Variants in LRRC49 observed in about 807,000 individuals in gnomAD.
LRRC49 encodes leucine-rich repeat-containing protein 49.
In LRRC49, 50 loss-of-function variants were observed where a neutral mutation model predicts 83.3. The ratio of observed to expected loss-of-function variants is 0.60; its 90% CI spans 0.48 to 0.76. The LOEUF is 0.76. Among genes scored for constraint, LRRC49 ranks in the 30% least tolerant of loss-of-function variants. LRRC49 has a pLI of 0.00. For synonymous variants in LRRC49, 286 were observed against 283.3 expected, an observed-to-expected ratio of 1.01 and a Z score of -0.10; for missense variants, 704 against 809.1, an observed-to-expected ratio of 0.87 and a Z score of 1.58.
At chr15:70,867,060 T>C (rs11072230) in intron 1 of LRRC49, among the ~76,000 whole-genome samples, 81,647 of 149,914 alleles carry the variant, frequency 0.54, 22,921 homozygotes, top group Admixed American at 0.69. Context: ...GGAATCCTGA[T>C]GGCCAAGTTG....
intron 7 of LRRC49, among the ~76,000 whole-genome samples, chr15:70,924,860 G>A (rs965013602): frequency 4.0e-5 from 6 of 151,804 alleles, no homozygotes; most frequent in African/African-American, 1.5e-4. Context: ...TTTCCCAGAC[G>A]TTTGAATATC....
chr15:71,048,078 A>ATTTTT (rs760450220), intron 15 of LRRC49, among the ~76,000 whole-genome samples: 32 of 106,734 alleles, frequency 3.0e-4, no homozygotes, highest in African/African-American at 1.1e-3. Flanking sequence ...ACCGGGCCAA[A>ATTTTT]TTTTTTTTTT....
At chr15:70,985,604 C>G (rs1266483207) in intron 11 of LRRC49, among the ~76,000 whole-genome samples, 1 of 152,104 alleles carries the variant, frequency 6.6e-6, no homozygotes, top group Non-Finnish European at 1.5e-5. Context: ...ATGGTAGTTT[C>G]TTTTGCTGTG....
intron 14 of LRRC49, among the ~76,000 whole-genome samples, chr15:71,018,057 G>T (rs2038881734): frequency 6.6e-6 from 1 of 152,076 alleles, no homozygotes; most frequent in Admixed American, 6.5e-5. Context: ...GTAAAAGGAG[G>T]AGGAGGAGGG....
At chr15:70,892,296 A>AGCCG, upstream of LRRC49, 2 of 1,551,672 alleles carry the variant, frequency 1.3e-6, no homozygotes, top group Non-Finnish European at 1.7e-6. Flanking sequence ...GGTGCGCGGG[A>AGCCG]GCCGGGTTCC....
At chr15:70,992,436 G>T (rs938028905) in intron 11 of LRRC49, among the ~76,000 whole-genome samples, 15 of 152,134 alleles carry the variant, frequency 9.9e-5, no homozygotes, top group Non-Finnish European at 1.5e-4. Flanking sequence ...CATCTTTGTG[G>T]TTTTATCCAA....
At chr15:71,013,372 A>G (rs1385736643) in intron 14 of LRRC49, among the ~76,000 whole-genome samples, 1 of 152,236 alleles carries the variant, frequency 6.6e-6, no homozygotes, top group Non-Finnish European at 1.5e-5. Flanking sequence ...ATGAAGCTAG[A>G]AAGACTGATT....
chr15:70,945,850 G>C (rs1377780488), intron 8 of LRRC49, among the ~76,000 whole-genome samples: 1 of 152,074 alleles, frequency 6.6e-6, no homozygotes, highest in Non-Finnish European at 1.5e-5. Flanking sequence ...GCACAGGAAG[G>C]TATCACAGTG....
chr15:70,882,721 T>G, intron 2 of LRRC49: 1 of 1,612,704 alleles, frequency 6.2e-7, no homozygotes, highest in Non-Finnish European at 8.5e-7. Context: ...ATACGAAAGA[T>G]CAATTCAATT....
At chr15:70,918,161 C>G (rs1201794288) in intron 6 of LRRC49, 1 of 152,448 alleles carries the variant, frequency 6.6e-6, no homozygotes, top group Non-Finnish European at 1.5e-5. Flanking sequence ...CTGTAGCAGC[C>G]AGCATGTCTG....
At chr15:70,981,876 T>C (rs2037411865) in intron 10 of LRRC49, among the ~76,000 whole-genome samples, 1 of 147,058 alleles carries the variant, frequency 6.8e-6, no homozygotes, top group Non-Finnish European at 1.5e-5. Context: ...TTCTCTAACC[T>C]TTCTTTTGCT....
chr15:70,887,341 C>T (rs1036407786), intron 2 of LRRC49, among the ~76,000 whole-genome samples: 8 of 152,048 alleles, frequency 5.3e-5, no homozygotes, highest in Non-Finnish European at 1.2e-4. Flanking sequence ...CAGTTTCACT[C>T]GTGCACACAG....
chr15:70,980,323 TA>T (rs1450468902), intron 10 of LRRC49, 139 bp downstream of exon 10: 2 of 487,232 alleles, frequency 4.1e-6, no homozygotes, highest in Non-Finnish European at 7.3e-6. Flanking sequence ...TACGTACCCC[TA>T]AAACTTTTAC....
At chr15:70,935,795 T>C (rs950204519) in intron 7 of LRRC49, among the ~76,000 whole-genome samples, 2 of 152,150 alleles carry the variant, frequency 1.3e-5, no homozygotes, top group African/African-American at 4.8e-5. Flanking sequence ...GTCAGGATAC[T>C]GGAATCTTTC....
At chr15:70,953,917 C>G (rs1244483350) in intron 8 of LRRC49, among the ~76,000 whole-genome samples, 1 of 151,862 alleles carries the variant, frequency 6.6e-6, no homozygotes, top group African/African-American at 2.4e-5. Context: ...TTTATTGAGA[C>G]AGAGTCTTGC....
chr15:70,859,127 A>AT, intron 1 of LRRC49: 2 of 1,355,114 alleles, frequency 1.5e-6, no homozygotes, highest in Non-Finnish European at 2.1e-6. Context: ...CAAGAACAAC[A>AT]TGTTCCAGAG....
intron 8 of LRRC49, among the ~76,000 whole-genome samples, chr15:70,942,273 G>A (rs190563455): frequency 8.0e-4 from 121 of 152,146 alleles, no homozygotes; most frequent in African/African-American, 2.9e-3. Flanking sequence ...TTTTATTCAC[G>A]TGAAGGTTCT....
At chr15:70,905,243 C>G (rs1402905216) in intron 5 of LRRC49, among the ~76,000 whole-genome samples, 1 of 152,144 alleles carries the variant, frequency 6.6e-6, no homozygotes, top group East Asian at 1.9e-4. Context: ...AACTCTATTC[C>G]GTAGTGCAAC....
intron 1 of LRRC49, among the ~76,000 whole-genome samples, chr15:70,855,059 C>T (rs1220000770): frequency 6.6e-6 from 1 of 152,098 alleles, no homozygotes; most frequent in Non-Finnish European, 1.5e-5. Context: ...ACCGGCCGGG[C>T]GCAGTGGCTC....
Sources: gnomAD v4.1 joint callset for allele counts (sites outside exome capture counted in the v4.1 genomes callset) on GRCh38, gnomAD v4.1.1 for gene constraint, MANE v1.5 for transcripts, NCBI Gene and HGNC (gene_info 2026-07-23, HGNC 2026-07-21) for gene names.